DNAAF9: variants seen among roughly 807,000 people sequenced by gnomAD.
DNAAF9 encodes the protein shulin.
Under a neutral mutation model 167.0 loss-of-function variants are expected in DNAAF9, and 90 were observed. That is an observed-to-expected ratio of 0.54 (90% CI 0.45 to 0.64). DNAAF9 has a LOEUF of 0.64. DNAAF9 is among the 30% of genes least tolerant of loss of function. DNAAF9 has a pLI of 0.00. For missense variants in DNAAF9, 1,315 were observed against 1,442.2 expected (o/e 0.91, Z 1.43); for synonymous variants, 491 against 508.8 (o/e 0.96, Z 0.47).
In DNAAF9 at chr20:3,381,372, T is replaced by C. The variant is rs753504100; in HGVS notation, c.283+7A>G. The C allele has an allele frequency of 3.1e-6, 5 of 1,604,028 alleles. No homozygotes were observed. In the African/African-American group the frequency reaches 5.4e-5, roughly 17 times the overall value. On this transcript the variant is annotated splice_region_variant and intron_variant, in intron 3 of 36. Coordinates refer to ENST00000252032, the MANE Select transcript of DNAAF9 (RefSeq NM_001009984.3). ...CTATCACACAGAGTTTACCAATATA[T>C]ACTTACCATCTAGTACTTCTTCAGA...
In DNAAF9 at chr20:3,255,997, G is replaced by C. The variant is rs1359634394; in HGVS notation, c.3261+9C>G. On this transcript the variant is annotated intron_variant, in intron 34 of 36. Transcript: ENST00000252032. ...TCTGTGTCAGGTCTGTCTGGGCTCT[G>C]GAAACCACCTGCTTAGCTGACTGCC... The C allele has an allele frequency of 1.2e-6, 2 of 1,609,932 alleles. No homozygotes were observed. Among genetic ancestry groups the C allele is most frequent in the Non-Finnish European group, 1.7e-6 (2 of 1,177,834 alleles).
intron 1 of DNAAF9, among the ~76,000 whole-genome samples, chr20:3,394,338 C>CA (rs11479398): frequency 0.067 from 6,373 of 95,488 alleles, 200 homozygotes; most frequent in African/African-American, 0.14. Context: ...AACTCCGTCT[C>CA]AAAAAAAAAA....
At chr20:3,350,789 T>C (rs1207365253) in intron 7 of DNAAF9, among the ~76,000 whole-genome samples, 1 of 152,144 alleles carries the variant, frequency 6.6e-6, no homozygotes, top group Non-Finnish European at 1.5e-5. Flanking sequence ...GAGTTCATTA[T>C]CCAAAGATAG....
rs1009701401 is a variant in DNAAF9, at chr20:3,315,473, G to T, written c.1590+262C>A. ...GCTCTACATGTCTAGGCCAATCTGGGATCTGCTTTTAATATTATGGGGAGA... is the reference window on the plus strand; with the variant it reads ...GCTCTACATGTCTAGGCCAATCTGGTATCTGCTTTTAATATTATGGGGAGA... On this transcript the variant is annotated intron_variant, in intron 19 of 36. Transcript: ENST00000252032. This position sits in a 1 kb window ranked among gnomAD's most constrained non-coding sequence, Gnocchi z 4.1. Among the ~76,000 whole-genome samples the T allele has an allele frequency of 6.6e-6, 1 of 152,228 alleles. No individual in the cohort carries two copies. Among genetic ancestry groups the T allele is most frequent in the African/African-American group, 2.4e-5 (1 of 41,448 alleles).
chr20:3,288,808 C>T (rs1315019636), intron 26 of DNAAF9, among the ~76,000 whole-genome samples: 1 of 152,148 alleles, frequency 6.6e-6, no homozygotes, highest in Non-Finnish European at 1.5e-5. Flanking sequence ...CAACCTGTTC[C>T]AGCTGCATCT....
At chr20:3,335,489 G>C (rs998543866) in intron 10 of DNAAF9, among the ~76,000 whole-genome samples, 1 of 152,234 alleles carries the variant, frequency 6.6e-6, no homozygotes, top group African/African-American at 2.4e-5. Flanking sequence ...GGGCATGGTG[G>C]GTCACGCCTG....
intron 8 of DNAAF9, among the ~76,000 whole-genome samples, chr20:3,346,294 C>G (rs763177065): frequency 6.6e-6 from 1 of 152,156 alleles, no homozygotes; most frequent in Non-Finnish European, 1.5e-5. Context: ...TTTGACCCAG[C>G]AATCCCATCA....
At chr20:3,398,670 T>C (rs1415193975) in intron 1 of DNAAF9, among the ~76,000 whole-genome samples, 1 of 152,180 alleles carries the variant, frequency 6.6e-6, no homozygotes, top group East Asian at 1.9e-4. Context: ...AATAAAATGT[T>C]GGTGGGGTTT....
chr20:3,384,677 T>A (rs79423567), intron 1 of DNAAF9, among the ~76,000 whole-genome samples: 1 of 151,510 alleles, frequency 6.6e-6, no homozygotes, highest in Non-Finnish European at 1.5e-5. Context: ...CCTGGGAAAA[T>A]TTTTTTTAAT....
intron 21 of DNAAF9, among the ~76,000 whole-genome samples, chr20:3,300,890 G>T: frequency 6.7e-6 from 1 of 150,190 alleles, no homozygotes; most frequent in African/African-American, 2.5e-5. Context: ...CATTGGTAGG[G>T]CATAGAAATG....
At chr20:3,369,353 G>T (rs866304062) in intron 6 of DNAAF9, among the ~76,000 whole-genome samples, 1 of 151,578 alleles carries the variant, frequency 6.6e-6, no homozygotes, top group Non-Finnish European at 1.5e-5. Flanking sequence ...AGACTTCTTA[G>T]ATCAGTCTTC....
chr20:3,315,643 T>A lies in DNAAF9; in HGVS notation c.1590+92A>T. ...ACAACATAGTGCAAGTCTTTTAGAT[T>A]AGTAGTGAGATGAAGCATTTTAATA... On this transcript the variant is annotated intron_variant, in intron 19 of 36. Coordinates refer to ENST00000252032, the MANE Select transcript of DNAAF9 (RefSeq NM_001009984.3). The surrounding 1 kb of genome is among the most constrained non-coding windows in gnomAD (Gnocchi z 4.1). 1 of 965,408 alleles carries A rather than the reference T, an allele frequency of 1.0e-6. No homozygotes were observed. Among genetic ancestry groups the A allele is most frequent in the Non-Finnish European group, 1.7e-6 (1 of 591,166 alleles). 59.8% of individuals were successfully genotyped at this position (965,408 alleles called of 1,614,324 possible).
intron 6 of DNAAF9, among the ~76,000 whole-genome samples, chr20:3,367,518 G>A (rs1413214409): frequency 1.3e-5 from 2 of 152,164 alleles, no homozygotes; most frequent in Non-Finnish European, 1.5e-5. Context: ...TAAAATGAGA[G>A]AATTGTGACT....
At chr20:3,372,704 C>T (rs1290821760) in intron 6 of DNAAF9, among the ~76,000 whole-genome samples, 1 of 152,152 alleles carries the variant, frequency 6.6e-6, no homozygotes, top group Admixed American at 6.5e-5. Flanking sequence ...ACCATCTGGA[C>T]CTGGCCCCAG....
At chr20:3,361,760 C>A in intron 6 of DNAAF9, 1 of 930,614 alleles carries the variant, frequency 1.1e-6, no homozygotes. Flanking sequence ...TGAATGGGAG[C>A]TTCCTTTCCA....
intron 1 of DNAAF9, among the ~76,000 whole-genome samples, chr20:3,396,247 A>T (rs1055298403): frequency 1.1e-4 from 16 of 152,244 alleles, no homozygotes; most frequent in Non-Finnish European, 2.4e-4. Context: ...AGAACTTGCT[A>T]AACTCTAATT....
intron 27 of DNAAF9, among the ~76,000 whole-genome samples, chr20:3,284,054 G>A (rs1188529777): frequency 1.3e-5 from 2 of 152,178 alleles, no homozygotes; most frequent in South Asian, 2.1e-4. Context: ...CTATCCATTA[G>A]GGGAATCCCT....
chr20:3,361,005 G>A (rs2083354608), intron 6 of DNAAF9, among the ~76,000 whole-genome samples: 1 of 152,116 alleles, frequency 6.6e-6, no homozygotes, highest in Non-Finnish European at 1.5e-5. Flanking sequence ...GGGTGGCAGG[G>A]CTGAGGACCC....
intron 31 of DNAAF9, among the ~76,000 whole-genome samples, chr20:3,263,237 G>C (rs920836606): frequency 6.6e-6 from 1 of 152,162 alleles, no homozygotes; most frequent in Non-Finnish European, 1.5e-5. Context: ...GCATCCCAAA[G>C]TGCTGGGATT....
Sources: gnomAD v4.1 joint callset for allele counts (sites outside exome capture counted in the v4.1 genomes callset) on GRCh38, gnomAD v4.1.1 for gene constraint, Gnocchi (gnomAD v3.1) non-coding constraint, MANE v1.5 for transcripts, NCBI Gene and HGNC (gene_info 2026-07-23, HGNC 2026-07-21) for gene names.